FYN: variants seen among roughly 807,000 people sequenced by gnomAD.
FYN encodes the protein FYN proto-oncogene, Src family tyrosine kinase, also known as tyrosine-protein kinase Fyn.
FYN carries 10 observed loss-of-function variants against 70.2 expected under a neutral mutation model. That is an observed-to-expected ratio of 0.14 (90% CI 0.09 to 0.24). The LOEUF (loss-of-function observed/expected upper bound fraction) is 0.24. Among genes scored for constraint, FYN ranks in the 10% least tolerant of loss-of-function variants. The pLI is 1.00. For synonymous variants in FYN, 236 were observed against 248.6 expected (o/e 0.95, Z 0.48); for missense variants, 319 against 673.1 (o/e 0.47, Z 5.82).
chr6:111,809,314 C>T (rs1252862779), intron 2 of FYN, among the ~76,000 whole-genome samples: 1 of 152,152 alleles, frequency 6.6e-6, no homozygotes, highest in Non-Finnish European at 1.5e-5. Flanking sequence ...CAGGAGGCAT[C>T]GCGATTGATT....
At chr6:111,683,174 C>T (rs1583301541) in intron 12 of FYN, among the ~76,000 whole-genome samples, 1 of 152,314 alleles carries the variant, frequency 6.6e-6, no homozygotes, top group Admixed American at 6.5e-5. Context: ...ACGGGCAAAC[C>T]CAACAGAGAA....
chr6:111,683,085 C>A lies in FYN; in HGVS notation c.1274-8455G>T, dbSNP rs1337805963. The stretch of plus-strand genomic sequence containing the variant: ...GAGGGTCCATGATGTCCCCAGCACC[C>A]TGTGAGGCGCTCCTGGGAAAACCAA... On this transcript the variant is annotated intron_variant, in intron 12 of 13. Transcript: ENST00000354650. Among the ~76,000 whole-genome samples, 4 of 152,228 alleles carry A rather than the reference C, an allele frequency of 2.6e-5. No individual in the cohort carries two copies. In the East Asian group the frequency reaches 7.7e-4, roughly 29 times the overall value.
At chr6:111,779,299 C>T (rs1341358507) in intron 3 of FYN, among the ~76,000 whole-genome samples, 1 of 151,998 alleles carries the variant, frequency 6.6e-6, no homozygotes, top group African/African-American at 2.4e-5. Flanking sequence ...GTAAAGGCCC[C>T]ACCCAAAAGC....
chr6:111,757,388 A>T (rs1251805877), intron 3 of FYN, among the ~76,000 whole-genome samples: 4 of 152,238 alleles, frequency 2.6e-5, no homozygotes, highest in Non-Finnish European at 5.9e-5. Context: ...GAAGACCTAC[A>T]GGATTCCTCT....
At position 111,800,426 on chromosome 6, in the gene FYN, C is replaced by T. The variant is rs535986589; in HGVS notation, c.-81-19791G>A. Among the ~76,000 whole-genome samples the T allele has an allele frequency of 1.3e-4, 19 of 151,972 alleles. 1 individual carries two copies. In the South Asian group the frequency reaches 1.9e-3, roughly 15 times the overall value. On this transcript the variant is annotated intron_variant, in intron 2 of 13. Transcript: ENST00000354650. ...TGGGACGAGTCCTCACAGCCACTCA[C>T]GGGAGTGGAGCAGGAGGGATGGACA...
intron 4 of FYN, 101 bp downstream of exon 4, chr6:111,719,704 A>G: frequency 7.6e-7 from 1 of 1,323,054 alleles, no homozygotes; most frequent in African/African-American, 1.5e-5. Context: ...TACATGTGAA[A>G]CCCCTAGTCA....
chr6:111,735,653 T>TG (rs761864197), intron 3 of FYN, among the ~76,000 whole-genome samples: 67 of 151,916 alleles, frequency 4.4e-4, no homozygotes, highest in African/African-American at 1.4e-3. Context: ...AAGAGAAGCA[T>TG]GGGGGGGTGC....
At chr6:111,792,327 A>G (rs1771653600) in intron 2 of FYN, among the ~76,000 whole-genome samples, 1 of 152,236 alleles carries the variant, frequency 6.6e-6, no homozygotes, top group African/African-American at 2.4e-5. Flanking sequence ...CTAAAATGAT[A>G]AAGACTAAAA....
At chr6:111,677,000 C>A (rs1322628968) in intron 12 of FYN, among the ~76,000 whole-genome samples, 1 of 151,960 alleles carries the variant, frequency 6.6e-6, no homozygotes. Flanking sequence ...AATATATAAA[C>A]CTTCAAAAAA....
At chr6:111,806,565 G>T (rs1167553940) in intron 2 of FYN, among the ~76,000 whole-genome samples, 1 of 152,214 alleles carries the variant, frequency 6.6e-6, no homozygotes, top group Admixed American at 6.5e-5. Context: ...AACAGATAGT[G>T]TACTATCCTT....
At chr6:111,754,064 A>AT (rs1562506248) in intron 3 of FYN, among the ~76,000 whole-genome samples, 3 of 152,320 alleles carry the variant, frequency 2.0e-5, no homozygotes, top group East Asian at 3.9e-4. Flanking sequence ...CTGAACTTTG[A>AT]TTTTTTTAAA....
intron 3 of FYN, among the ~76,000 whole-genome samples, chr6:111,727,337 C>T (rs1419307318): frequency 6.6e-6 from 1 of 152,196 alleles, no homozygotes; most frequent in East Asian, 1.9e-4. Flanking sequence ...GGAGTTGGCA[C>T]TGGTTTCCTT....
chr6:111,664,911 G>A (rs1797929571), intron 13 of FYN, among the ~76,000 whole-genome samples: 1 of 152,228 alleles, frequency 6.6e-6, no homozygotes, highest in South Asian at 2.1e-4. Flanking sequence ...AATGGGACTA[G>A]CTCTTTTCCA....
In FYN at chr6:111,661,256, A is replaced by G. The variant is rs1317123260; in HGVS notation, c.*483T>C. 6.5e-6 allele frequency: 1 copy of G among 152,856 alleles called. No homozygotes were observed. Among genetic ancestry groups the G allele is most frequent in the Non-Finnish European group, 1.5e-5 (1 of 68,332 alleles). 9.5% of individuals were successfully genotyped at this position (152,856 alleles called of 1,614,324 possible). On this transcript the variant is annotated 3_prime_UTR_variant, in exon 14 of 14. Transcript: ENST00000354650. The surrounding 1 kb of genome is among the most constrained non-coding windows in gnomAD (Gnocchi z 4.0). ...ATATATATTCATATTTATAAAAAAG[A>G]AAACAAAAACAAACACCTGTCCTGA...
chr6:111,742,892 C>A (rs1277580591), intron 3 of FYN, among the ~76,000 whole-genome samples: 1 of 151,984 alleles, frequency 6.6e-6, no homozygotes, highest in African/African-American at 2.4e-5. Flanking sequence ...ATTTGTCCTA[C>A]GTTTTGGTCA....
At chr6:111,804,962 C>T (rs1329604032) in intron 2 of FYN, among the ~76,000 whole-genome samples, 1 of 152,114 alleles carries the variant, frequency 6.6e-6, no homozygotes, top group Non-Finnish European at 1.5e-5. Flanking sequence ...TCTTATGTTT[C>T]TTCCAGGCCT....
chr6:111,762,041 C>G (rs1803029519), intron 3 of FYN, among the ~76,000 whole-genome samples: 1 of 152,170 alleles, frequency 6.6e-6, no homozygotes, highest in African/African-American at 2.4e-5. Flanking sequence ...GGAACAGCTT[C>G]AACACGTAGG....
chr6:111,737,890 C>T (rs1242124939), intron 3 of FYN, among the ~76,000 whole-genome samples: 1 of 152,200 alleles, frequency 6.6e-6, no homozygotes, highest in Non-Finnish European at 1.5e-5. Context: ...CTAATGGCCT[C>T]AAATTTTCCT....
chr6:111,769,938 T>C (rs563742861), intron 3 of FYN, among the ~76,000 whole-genome samples: 1 of 152,072 alleles, frequency 6.6e-6, no homozygotes, highest in South Asian at 2.1e-4. Flanking sequence ...CTCTCTGTAA[T>C]TAGAGTTAGC....
Sources: gnomAD v4.1 joint callset for allele counts (sites outside exome capture counted in the v4.1 genomes callset) on GRCh38, gnomAD v4.1.1 for gene constraint, Gnocchi (gnomAD v3.1) non-coding constraint, MANE v1.5 for transcripts, NCBI Gene and HGNC (gene_info 2026-07-23, HGNC 2026-07-21) for gene names.